Variants in PPP1R10 observed in about 807,000 individuals in gnomAD.
PPP1R10 encodes the protein protein phosphatase 1 regulatory subunit 10.
In PPP1R10, 15 loss-of-function variants were observed where a neutral mutation model predicts 99.0. That is an observed-to-expected ratio of 0.15 (90% CI 0.10 to 0.23). The LOEUF (loss-of-function observed/expected upper bound fraction) is 0.23. Ranked by LOEUF, PPP1R10 falls within the 10% of genes least tolerant of loss-of-function variation. The pLI is 1.00. For missense variants in PPP1R10, 947 were observed against 1,259.4 expected, an observed-to-expected ratio of 0.75 and a Z score of 3.75; for synonymous variants, 430 against 449.5, an observed-to-expected ratio of 0.96 and a Z score of 0.55.
chr6:30,608,852 T>C lies in PPP1R10; in HGVS notation c.257A>G (p.Asn86Ser). The C allele has an allele frequency of 6.2e-7, 1 of 1,614,144 alleles. No homozygotes were observed. Reference sequence around the variant, plus strand: ...AATTTGCTGGAGGAGGGGAATGTTGTTGGTTGTCTTTGAATACGTCAGCCA... The same window carrying C: ...AATTTGCTGGAGGAGGGGAATGTTGCTGGTTGTCTTTGAATACGTCAGCCA... ...NNWLTYSKTT[N>S]NIPLLQQILL... Residue 86 changes from asparagine to serine, a missense_variant, in exon 5 of 20, where the codon AAC becomes AGC. Physicochemically the swap from Asn to Ser is conservative, Grantham distance 46. Transcript: ENST00000376511.
In PPP1R10 at chr6:30,603,678, AC is replaced by A; in HGVS notation, c.1573-13del. ...TCCATGGAACACTCCTGAAAGAAGAACAAAAAAAATCAGGATTGACAGAACA... is the reference window on the plus strand; with the variant it reads ...TCCATGGAACACTCCTGAAAGAAGAAAAAAAAAATCAGGATTGACAGAACA... On this transcript the variant is annotated splice_polypyrimidine_tract_variant and intron_variant, in intron 15 of 19. Coordinates refer to ENST00000376511, the MANE Select transcript of PPP1R10 (RefSeq NM_002714.4). 1 of 1,572,612 alleles carries A rather than the reference AC, an allele frequency of 6.4e-7. No individual in the cohort carries two copies. Among genetic ancestry groups the A allele is most frequent in the South Asian group, 1.2e-5 (1 of 85,620 alleles).
intron 17 of PPP1R10, 82 bp from the exon 18 acceptor site, chr6:30,603,041 C>A: frequency 2.9e-6 from 4 of 1,386,670 alleles, no homozygotes; most frequent in Non-Finnish European, 4.0e-6. Context: ...ACCAACTGAC[C>A]CTCTCAAACC....
rs746108087 is a variant in PPP1R10, at chr6:30,605,017, CT to C, written c.930del (p.Val311TyrfsTer79). 1 of 1,610,264 alleles carries C rather than the reference CT, an allele frequency of 6.2e-7. No individual in the cohort carries two copies. On this transcript the variant is annotated frameshift_variant, in exon 11 of 20. Transcript: ENST00000376511. LOFTEE classifies it high-confidence loss of function. ...ACCTTGGCAGCCGTAGGTGACAGTA[CT>C]TTTTTTTTCTTCTTAATTTTGATGC... ...VPGIKIKKKK[K>X]VLSPTAAKPS...
rs1460913361 is a variant in PPP1R10 at position 30,609,480 on chromosome 6, CTTAG to C, written c.108-321_108-318del. ...TCCCTAATAGTCTGTTCAAGACTGGCTTAGTTATTTACTCTCCCCTGAAAAACCT... is the reference window on the plus strand; with the variant it reads ...TCCCTAATAGTCTGTTCAAGACTGGCTTATTTACTCTCCCCTGAAAAACCT... On this transcript the variant is annotated intron_variant, in intron 3 of 19. Transcript: ENST00000376511. The surrounding 1 kb of genome is among the most constrained non-coding windows in gnomAD (Gnocchi z 4.5). Among the ~76,000 whole-genome samples the C allele has an allele frequency of 1.3e-5, 2 of 152,140 alleles. No homozygotes were observed. Among genetic ancestry groups the C allele is most frequent in the African/African-American group, 2.4e-5 (1 of 41,436 alleles).
chr6:30,611,768 G>A (rs773542573), intron 2 of PPP1R10, among the ~76,000 whole-genome samples: 3 of 152,116 alleles, frequency 2.0e-5, no homozygotes, highest in African/African-American at 4.8e-5. Context: ...GATGAGGCAA[G>A]AAATGTTGAG....
At chr6:30,607,815 TGA>T in intron 6 of PPP1R10, 23 bp downstream of exon 6, 1 of 1,604,360 alleles carries the variant, frequency 6.2e-7, no homozygotes, top group Non-Finnish European at 8.5e-7. Context: ...GAAAAGCCCA[TGA>T]GAGAGCAGAA....
intron 5 of PPP1R10, 118 bp downstream of exon 5, chr6:30,608,656 CTATTT>C (rs752679975): frequency 4.6e-5 from 58 of 1,249,832 alleles, no homozygotes; most frequent in Non-Finnish European, 6.1e-5. Flanking sequence ...TTCTAAATTC[CTATTT>C]TTTTTCTGCT....
chr6:30,607,264 A>AT (rs1365568680), intron 6 of PPP1R10, among the ~76,000 whole-genome samples: 1 of 152,204 alleles, frequency 6.6e-6, no homozygotes, highest in Non-Finnish European at 1.5e-5. Flanking sequence ...AAAAACTGAC[A>AT]TTTTTTTAAA....
chr6:30,602,645 A>C lies in PPP1R10; in HGVS notation c.2004T>G (p.Gly668=), dbSNP rs1441256283. 6.3e-7 allele frequency: 1 copy of C among 1,599,580 alleles called. No individual in the cohort carries two copies. The highest frequency in any genetic ancestry group is 8.5e-7 in the Non-Finnish European group (1 of 1,175,122). The change falls in exon 19 of 20, where the codon GGT becomes GGG. Residue 668 remains glycine (G), a synonymous_variant. Transcript: ENST00000376511. The surrounding 1 kb of genome is among the most constrained non-coding windows in gnomAD (Gnocchi z 6.7). The stretch of plus-strand genomic sequence containing the variant: ...CACCTCCCCGGGGAGGGGGTGGAGG[A>C]CCCAGAAGACGTGGACCCACTGGCC... The part of the protein sequence containing the change: ...PGGPVGPRLL[G]PPPPPRGGDP...
rs1362984436 is a variant in PPP1R10 at position 30,617,207 on chromosome 6, A to G, written c.-533+17T>C. On this transcript the variant is annotated intron_variant, in intron 1 of 19. Coordinates refer to ENST00000376511, the MANE Select transcript of PPP1R10 (RefSeq NM_002714.4). ...CGCAAAATTTTACCCACTAGACGAC[A>G]AAGTAGGCAAACTTACCTCTAAACG... 6.5e-6 allele frequency: 1 copy of G among 153,346 alleles called. No homozygotes were observed. Among genetic ancestry groups the G allele is most frequent in the Non-Finnish European group, 1.5e-5 (1 of 68,460 alleles). 9.5% of individuals were successfully genotyped at this position (153,346 alleles called of 1,614,324 possible).
intron 2 of PPP1R10, among the ~76,000 whole-genome samples, chr6:30,611,266 TGCCACTGCACTCCA>T (rs1804525302): frequency 6.6e-6 from 1 of 152,162 alleles, no homozygotes; most frequent in South Asian, 2.1e-4. Context: ...GCTGTGATTG[TGCCACTGCACTCCA>T]GCCTGAGAGA....
At chr6:30,601,679 C>G (rs1378456539) in intron 19 of PPP1R10, 21 bp from the exon 20 acceptor site, 4 of 1,605,414 alleles carry the variant, frequency 2.5e-6, no homozygotes, top group Non-Finnish European at 3.4e-6. Context: ...GATGGCAAAA[C>G]AGTTAGACAG....
chr6:30,608,610 C>T (rs1804215855), intron 5 of PPP1R10, among the ~76,000 whole-genome samples, 169 bp downstream of exon 5: 1 of 152,140 alleles, frequency 6.6e-6, no homozygotes, highest in African/African-American at 2.4e-5. Flanking sequence ...CGCCACACAC[C>T]TATTAAAGGA....
chr6:30,604,276 C>A lies in PPP1R10; in HGVS notation c.1262-22G>T. 1 of 1,613,764 alleles carries A rather than the reference C, an allele frequency of 6.2e-7. No individual in the cohort carries two copies. Among genetic ancestry groups the A allele is most frequent in the East Asian group, 2.2e-5 (1 of 44,878 alleles). On this transcript the variant is annotated intron_variant, in intron 13 of 19. Coordinates refer to ENST00000376511, the MANE Select transcript of PPP1R10 (RefSeq NM_002714.4). The surrounding 1 kb of genome is among the most constrained non-coding windows in gnomAD (Gnocchi z 7.3). ...TTTACTGTCGGCAGGGGAAGAAAAGCAAGAGGGAAAGTAAGCACAACCAAG... is the reference window on the plus strand; with the variant it reads ...TTTACTGTCGGCAGGGGAAGAAAAGAAAGAGGGAAAGTAAGCACAACCAAG...
At chr6:30,613,063 C>T (rs924095612) in intron 2 of PPP1R10, among the ~76,000 whole-genome samples, 2 of 152,148 alleles carry the variant, frequency 1.3e-5, no homozygotes, top group African/African-American at 2.4e-5. Context: ...CTAAGCTATG[C>T]GTTCCTTATG....
chr6:30,610,009 C>A, intron 2 of PPP1R10, 54 bp from the exon 3 acceptor site: 1 of 1,199,416 alleles, frequency 8.3e-7, no homozygotes, highest in Middle Eastern at 1.9e-4. Context: ...GTGGCAAGGA[C>A]TACCCGAGTA....
At chr6:30,605,394 C>A (rs1436737234) in intron 10 of PPP1R10, among the ~76,000 whole-genome samples, 3 of 152,144 alleles carry the variant, frequency 2.0e-5, no homozygotes, top group African/African-American at 7.2e-5. Context: ...TGACCAGTCA[C>A]AGAATGGCAC....
chr6:30,607,942 C>A, intron 5 of PPP1R10, 51 bp from the exon 6 acceptor site: 2 of 1,569,328 alleles, frequency 1.3e-6, no homozygotes, highest in South Asian at 2.3e-5. Flanking sequence ...GCAAATAATT[C>A]CACTTAGAGC....
At chr6:30,614,230 T>C (rs1804847285) in intron 2 of PPP1R10, among the ~76,000 whole-genome samples, 1 of 152,116 alleles carries the variant, frequency 6.6e-6, no homozygotes, top group Admixed American at 6.6e-5. Context: ...CATCATTTTT[T>C]CATTAATGCT....
Sources: allele counts gnomAD v4.1 joint callset (sites outside exome capture counted in the v4.1 genomes callset), GRCh38; gene constraint gnomAD v4.1.1; non-coding constraint Gnocchi (gnomAD v3.1); transcripts MANE v1.5; gene names NCBI Gene and HGNC (gene_info 2026-07-23, HGNC 2026-07-21).